Variants in SLC66A2 observed in about 807,000 individuals in gnomAD.
SLC66A2 encodes PQ loop repeat containing 1.
SLC66A2 carries 23 observed loss-of-function variants against 25.5 expected under a neutral mutation model. That is an observed-to-expected ratio of 0.90 (90% confidence interval 0.65 to 1.28). The LOEUF (loss-of-function observed/expected upper bound fraction) is 1.28. Among genes scored for constraint, SLC66A2 ranks in the 50% most tolerant of loss-of-function variants. The pLI, the probability that SLC66A2 is intolerant of heterozygous loss-of-function variation, is 0.00. For missense variants in SLC66A2, 396 were observed against 373.1 expected (o/e 1.06, Z -0.51); for synonymous variants, 193 against 166.5 (o/e 1.16, Z -1.23).
chr18:79,919,319 C>A lies in SLC66A2; in HGVS notation c.473G>T (p.Gly158Val). The change falls in exon 5 of 6, where the codon GGC (glycine) becomes GTC (valine). Residue 158 changes from glycine (G) to valine (V), a missense_variant. By Grantham distance (109) the Gly-to-Val change is moderately radical (BLOSUM62 -3). Transcript: ENST00000397778. ...GTCAATGGACAGGTAGGTGATGTAG[C>A]CCGCCACGCCCGTGAAGGCCAGGAC... ...QCVLAFTGVAGYITYLSIDSA... is the reference protein window; with the variant it reads ...QCVLAFTGVAVYITYLSIDSA... 6.2e-7 allele frequency: 1 copy of A among 1,613,270 alleles called. No individual in the cohort carries two copies. Among genetic ancestry groups the A allele is most frequent in the South Asian group, 1.1e-5 (1 of 91,088 alleles).
At chr18:79,929,042 G>A (rs1986292612) in intron 4 of SLC66A2, among the ~76,000 whole-genome samples, 1 of 152,200 alleles carries the variant, frequency 6.6e-6, no homozygotes, top group African/African-American at 2.4e-5. Context: ...GGGACTCCCT[G>A]CTTAGAGCAG....
chr18:79,904,668 C>G lies in SLC66A2; in HGVS notation c.609-485G>C, dbSNP rs1050079093. On this transcript the variant is annotated intron_variant, in intron 5 of 5. Coordinates refer to ENST00000397778, the MANE Select transcript of SLC66A2 (RefSeq NM_025078.5). The surrounding 1 kb of genome is among the most constrained non-coding windows in gnomAD (Gnocchi z 6.3). ...CCCCCAGGCACACAGCCAAGTGGAG[C>G]AGAGCAGCTGCTTTTGGGTCTCTGC... 9.9e-5 allele frequency among the ~76,000 whole-genome samples: 15 copies of G among 152,140 alleles called. No homozygotes were observed. Among genetic ancestry groups the G allele is most frequent in the African/African-American group, 3.4e-4 (14 of 41,418 alleles).
At chr18:79,910,082 C>CAG (rs1224929049) in intron 5 of SLC66A2, among the ~76,000 whole-genome samples, 4 of 121,568 alleles carry the variant, frequency 3.3e-5, no homozygotes, top group Non-Finnish European at 5.2e-5. Flanking sequence ...ACCATCTCAC[C>CAG]AGTCTCCAAC....
At chr18:79,913,844 C>A (rs750941704) in intron 5 of SLC66A2, among the ~76,000 whole-genome samples, 7 of 152,210 alleles carry the variant, frequency 4.6e-5, no homozygotes, top group Non-Finnish European at 7.3e-5. Flanking sequence ...ACTAGCAGGT[C>A]CCCAGAGAAA....
chr18:79,904,176 TC>T lies in SLC66A2; in HGVS notation c.615del (p.Met206TrpfsTer18). 6.2e-7 allele frequency: 1 copy of T among 1,612,522 alleles called. No homozygotes were observed. ...TCACCACTGGTCCACATGAGCACCA[TC>T]TTGATGCTGTGGAGACACAAGCAGG... ...RHQSTEGMSI[K>X]MVLMWTSGDA... On this transcript the variant is annotated frameshift_variant, in exon 6 of 6. Coordinates refer to ENST00000397778, the MANE Select transcript of SLC66A2 (RefSeq NM_025078.5). LOFTEE classifies it high-confidence loss of function. This position sits in a 1 kb window ranked among gnomAD's most constrained non-coding sequence, Gnocchi z 6.3.
intron 5 of SLC66A2, among the ~76,000 whole-genome samples, chr18:79,916,254 ATAGCCGCAGTGCTCCCGTACCCG>A (rs1568302438): frequency 4.9e-5 from 2 of 40,708 alleles, no homozygotes; most frequent in East Asian, 2.2e-3. Context: ...TGGTGCTCTC[ATAGCCGCAGTGCTCCCGTACCCG>A]TGGTGCTCCC....
At chr18:79,947,531 C>T (rs2050967602) in intron 2 of SLC66A2, among the ~76,000 whole-genome samples, 1 of 152,100 alleles carries the variant, frequency 6.6e-6, no homozygotes, top group Non-Finnish European at 1.5e-5. Flanking sequence ...ATTCGAACTC[C>T]ACCTCTGCTC....
At position 79,917,364 on chromosome 18, in the gene SLC66A2, G is replaced by A. The variant is rs1020786916; in HGVS notation, c.608+1820C>T. On this transcript the variant is annotated intron_variant, in intron 5 of 5. Transcript: ENST00000397778. This position sits in a 1 kb window ranked among gnomAD's most constrained non-coding sequence, Gnocchi z 6.0. ...CTGGGGCCCCTGTGAGGTCACACAC[G>A]GCCAGCTCCTTGTGAGGGGCCAGGA... Among the ~76,000 whole-genome samples the A allele has an allele frequency of 2.0e-5, 3 of 152,206 alleles. No individual in the cohort carries two copies. The highest frequency in any genetic ancestry group is 7.2e-5 in the African/African-American group (3 of 41,458).
At chr18:79,911,095 G>A (rs1372053367) in intron 5 of SLC66A2, among the ~76,000 whole-genome samples, 1 of 152,254 alleles carries the variant, frequency 6.6e-6, no homozygotes, top group Admixed American at 6.5e-5. Context: ...CAGGAAGGAA[G>A]AGCAGAGCCT....
At chr18:79,928,077 G>A (rs1307378784) in intron 4 of SLC66A2, among the ~76,000 whole-genome samples, 2 of 152,260 alleles carry the variant, frequency 1.3e-5, no homozygotes, top group Admixed American at 6.5e-5. Context: ...GAGGTGAGGG[G>A]CTGGGCTGTC....
intron 5 of SLC66A2, among the ~76,000 whole-genome samples, chr18:79,915,174 G>C (rs116557775): frequency 6.6e-6 from 1 of 152,186 alleles, no homozygotes; most frequent in African/African-American, 2.4e-5. Context: ...AGCAGCAAAC[G>C]CCTTATGTGT....
chr18:79,924,953 T>A (rs1985754921), intron 4 of SLC66A2: 1 of 152,026 alleles, frequency 6.6e-6, no homozygotes, highest in African/African-American at 2.4e-5. Flanking sequence ...TGGCTGAGGC[T>A]GACCTGGGGT....
chr18:79,933,887 G>A, intron 4 of SLC66A2, 82 bp downstream of exon 4: 2 of 1,267,286 alleles, frequency 1.6e-6, no homozygotes, highest in Non-Finnish European at 2.3e-6. Flanking sequence ...TGCACAGATG[G>A]AAGCAACAAC....
intron 4 of SLC66A2, among the ~76,000 whole-genome samples, chr18:79,933,728 C>T (rs1331909654): frequency 6.6e-6 from 1 of 152,188 alleles, no homozygotes; most frequent in Non-Finnish European, 1.5e-5. Flanking sequence ...CTGTCTCCCT[C>T]CTGCTTCCCC....
At position 79,918,709 on chromosome 18, in the gene SLC66A2, G is replaced by A. The variant is rs368906307; in HGVS notation, c.608+475C>T. Among the ~76,000 whole-genome samples, 36 of 152,346 alleles carry A rather than the reference G, an allele frequency of 2.4e-4. 1 individual carries two copies. Among genetic ancestry groups the A allele is most frequent in the East Asian group, 1.5e-3 (8 of 5,176 alleles). On this transcript the variant is annotated intron_variant, in intron 5 of 5. Coordinates refer to ENST00000397778, the MANE Select transcript of SLC66A2 (RefSeq NM_025078.5). This position sits in a 1 kb window ranked among gnomAD's most constrained non-coding sequence, Gnocchi z 4.0. ...GCGCCCAGGCATGGTCTGTGGTTCCGAACGTCAGCCTGCCCAGCCTTCTAC... is the reference window on the plus strand; with the variant it reads ...GCGCCCAGGCATGGTCTGTGGTTCCAAACGTCAGCCTGCCCAGCCTTCTAC...
intron 4 of SLC66A2, among the ~76,000 whole-genome samples, chr18:79,932,480 A>AAATT (rs1197462681): frequency 6.6e-6 from 1 of 151,692 alleles, no homozygotes; most frequent in Non-Finnish European, 1.5e-5. Flanking sequence ...TTAAAAAAAG[A>AAATT]AAGAAAGAAA....
chr18:79,937,359 G>A lies in SLC66A2; in HGVS notation c.338-3337C>T, dbSNP rs1180989654. Reference sequence around the variant, plus strand: ...CATCTGACGCGGCTCCCCGGCCAGAGGGAAGAACTGGAGCATTAACAAGCG... The same window carrying A: ...CATCTGACGCGGCTCCCCGGCCAGAAGGAAGAACTGGAGCATTAACAAGCG... On this transcript the variant is annotated intron_variant, in intron 3 of 5. Transcript: ENST00000397778. The surrounding 1 kb of genome is among the most constrained non-coding windows in gnomAD (Gnocchi z 5.4). Among the ~76,000 whole-genome samples, 3 of 152,192 alleles carry A rather than the reference G, an allele frequency of 2.0e-5. No homozygotes were observed. The highest frequency in any genetic ancestry group is 4.4e-5 in the Non-Finnish European group (3 of 68,032).
chr18:79,916,525 G>A (rs985003127), intron 5 of SLC66A2, among the ~76,000 whole-genome samples: 7 of 152,222 alleles, frequency 4.6e-5, no homozygotes, highest in African/African-American at 1.4e-4. Flanking sequence ...CTGGGTTCAC[G>A]TCGCACCCTT....
At chr18:79,936,396 ATAAC>A (rs1382685521) in intron 3 of SLC66A2, among the ~76,000 whole-genome samples, 1 of 152,256 alleles carries the variant, frequency 6.6e-6, no homozygotes, top group Admixed American at 6.5e-5. Flanking sequence ...TTCTTGAATT[ATAAC>A]TAACTCACCT....
Sources: allele counts gnomAD v4.1 joint callset (sites outside exome capture counted in the v4.1 genomes callset), GRCh38; gene constraint gnomAD v4.1.1; non-coding constraint Gnocchi (gnomAD v3.1); transcripts MANE v1.5; gene names NCBI Gene and HGNC (gene_info 2026-07-23, HGNC 2026-07-21).